The following ATAD2B variants were observed in gnomAD, a reference collection of about 807,000 sequenced individuals.
The protein encoded by ATAD2B is ATPase family AAA domain-containing protein 2B.
A neutral mutation model predicts 167.6 loss-of-function variants in ATAD2B; 40 were observed. The ratio of observed to expected loss-of-function variants is 0.24; its 90% CI spans 0.19 to 0.31. The LOEUF (loss-of-function observed/expected upper bound fraction) is 0.31. Among genes scored for constraint, ATAD2B ranks in the 10% least tolerant of loss-of-function variants. The pLI, the probability that ATAD2B is intolerant of heterozygous loss-of-function variation, is 1.00. For synonymous variants in ATAD2B, 579 were observed against 596.5 expected, an observed-to-expected ratio of 0.97 and a Z score of 0.43; for missense variants, 1,242 against 1,757.2, an observed-to-expected ratio of 0.71 and a Z score of 5.24.
intron 9 of ATAD2B, among the ~76,000 whole-genome samples, chr2:23,868,765 ATAC>A (rs1156596244): frequency 2.0e-5 from 3 of 152,214 alleles, no homozygotes; most frequent in East Asian, 1.9e-4. Context: ...ATTATTTAAT[ATAC>A]TACATTATTT....
intron 7 of ATAD2B, among the ~76,000 whole-genome samples, chr2:23,878,667 T>C (rs1350908899): frequency 6.6e-6 from 1 of 151,328 alleles, no homozygotes; most frequent in East Asian, 1.9e-4. Context: ...TCAAAATAAA[T>C]AAAATAAAAT....
intron 1 of ATAD2B, among the ~76,000 whole-genome samples, chr2:23,898,728 C>T (rs1573332771): frequency 6.6e-6 from 1 of 152,294 alleles, no homozygotes; most frequent in Non-Finnish European, 1.5e-5. Flanking sequence ...TGTGACCAGG[C>T]ACAGTGGCTC....
rs568385226 is a variant in ATAD2B, at chr2:23,905,988, T to C, written c.217-10018A>G. 3.3e-5 allele frequency among the ~76,000 whole-genome samples: 5 copies of C among 151,958 alleles called. No homozygotes were observed. The South Asian group carries it at 1.0e-3, about 32-fold the overall frequency. ...CAGTGTAAAGCAATTTGAGAAAACC[T>C]ATGAAAATTTAAAATACACATTATC... On this transcript the variant is annotated intron_variant, in intron 1 of 27. Transcript: ENST00000238789.
chr2:23,883,098 T>C (rs985307420), intron 6 of ATAD2B, among the ~76,000 whole-genome samples: 1 of 151,592 alleles, frequency 6.6e-6, no homozygotes, highest in African/African-American at 2.4e-5. Context: ...ACAAACATAT[T>C]GAGACCCCAT....
At position 23,758,007 on chromosome 2, in the gene ATAD2B, GTCT is replaced by G. The variant is rs1395461734; in HGVS notation, c.3486_3488del (p.Glu1162del). The G allele has an allele frequency of 6.8e-6, 11 of 1,611,186 alleles. No homozygotes were observed. Among genetic ancestry groups the G allele is most frequent in the Admixed American group, 1.7e-5 (1 of 59,760 alleles). On this transcript the variant is annotated inframe_deletion, in exon 25 of 28. Coordinates refer to ENST00000238789, the MANE Select transcript of ATAD2B (RefSeq NM_017552.4). ...GGTTCTCATAGTCTGCAAATTTGGT[GTCT>G]TCTTCATCTTTTTTTAAATTATTAA... is the stretch of plus-strand genomic sequence containing the variant.
At chr2:23,856,873 C>A (rs1439336263) in intron 13 of ATAD2B, among the ~76,000 whole-genome samples, 2 of 150,902 alleles carry the variant, frequency 1.3e-5, no homozygotes, top group African/African-American at 4.9e-5. Context: ...AAAAAAAAAC[C>A]AAAAAATTAT....
intron 13 of ATAD2B, among the ~76,000 whole-genome samples, chr2:23,834,646 G>A (rs1447824699): frequency 6.7e-6 from 1 of 149,454 alleles, no homozygotes; most frequent in Non-Finnish European, 1.5e-5. Context: ...GATACTATCA[G>A]GAAAGTAAAA....
the ATAD2B span, chr2:23,695,571 A>G: frequency 7.9e-7 from 1 of 1,262,632 alleles, no homozygotes; most frequent in Non-Finnish European, 1.1e-6. The surrounding 1 kb of genome is among the most constrained non-coding windows in gnomAD (Gnocchi z 7.6). Context: ...TCCGTCCGGG[A>G]GGTGGCTCTC....
intron 13 of ATAD2B, among the ~76,000 whole-genome samples, chr2:23,849,295 AATT>A (rs1349098635): frequency 6.6e-6 from 1 of 152,230 alleles, no homozygotes; most frequent in Admixed American, 6.5e-5. Flanking sequence ...AGAATAGGTG[AATT>A]ATTATCTGAT....
chr2:23,680,032 C>A, the ATAD2B span, among the ~76,000 whole-genome samples: 2 of 152,128 alleles, frequency 1.3e-5, no homozygotes, highest in Non-Finnish European at 2.9e-5. This position sits in a 1 kb window ranked among gnomAD's most constrained non-coding sequence, Gnocchi z 4.1. Flanking sequence ...TGTGCTGCCC[C>A]TTCAGCCCCG....
chr2:23,904,854 A>T (rs1186897697), intron 1 of ATAD2B, among the ~76,000 whole-genome samples: 1 of 152,190 alleles, frequency 6.6e-6, no homozygotes, highest in African/African-American at 2.4e-5. Flanking sequence ...TATAAAAGGA[A>T]TGCACAGAGG....
At chr2:23,893,293 A>T (rs1329040946) in intron 2 of ATAD2B, among the ~76,000 whole-genome samples, 1 of 152,164 alleles carries the variant, frequency 6.6e-6, no homozygotes, top group Admixed American at 6.5e-5. Flanking sequence ...GCTAATACTA[A>T]TTCTTATCTG....
At chr2:23,893,039 AG>A (rs1421885001) in intron 2 of ATAD2B, among the ~76,000 whole-genome samples, 1 of 152,198 alleles carries the variant, frequency 6.6e-6, no homozygotes, top group Non-Finnish European at 1.5e-5. Context: ...TTTTACTAAA[AG>A]TATCAATCAT....
intron 3 of ATAD2B, 66 bp from the exon 4 acceptor site, chr2:23,888,051 A>AT: frequency 1.5e-6 from 2 of 1,326,448 alleles, no homozygotes; most frequent in Non-Finnish European, 2.0e-6. Flanking sequence ...GAAAAAAAAA[A>AT]TCAAAAAATT....
chr2:23,813,268 A>T (rs1394508431), intron 17 of ATAD2B, among the ~76,000 whole-genome samples: 1 of 149,526 alleles, frequency 6.7e-6, no homozygotes, highest in Admixed American at 6.7e-5. Context: ...ATGTTTATAA[A>T]AATTATATGA....
chr2:23,695,398 C>T, the ATAD2B span, among the ~76,000 whole-genome samples: 3 of 152,132 alleles, frequency 2.0e-5, no homozygotes, highest in Admixed American at 6.5e-5. The surrounding 1 kb of genome is among the most constrained non-coding windows in gnomAD (Gnocchi z 7.6). Flanking sequence ...TGGCTGCAGC[C>T]TGCCAGCCTC....
At chr2:23,684,006 C>T in the ATAD2B span, among the ~76,000 whole-genome samples, 2 of 152,174 alleles carry the variant, frequency 1.3e-5, no homozygotes, top group African/African-American at 4.8e-5. This position sits in a 1 kb window ranked among gnomAD's most constrained non-coding sequence, Gnocchi z 4.4. Flanking sequence ...TCCAATACAT[C>T]GGCACCCATT....
At chr2:23,830,791 C>T (rs947942015) in intron 14 of ATAD2B, among the ~76,000 whole-genome samples, 8 of 151,914 alleles carry the variant, frequency 5.3e-5, no homozygotes, top group African/African-American at 1.7e-4. Context: ...TCTATACAAA[C>T]TTCATTAGCA....
At chr2:23,803,171 G>A (rs1488623050) in intron 18 of ATAD2B, among the ~76,000 whole-genome samples, 1 of 151,914 alleles carries the variant, frequency 6.6e-6, no homozygotes, top group African/African-American at 2.4e-5. Flanking sequence ...TTTTACTACC[G>A]ATATTAACAT....
Sources: allele counts gnomAD v4.1 joint callset (sites outside exome capture counted in the v4.1 genomes callset), GRCh38; gene constraint gnomAD v4.1.1; non-coding constraint Gnocchi (gnomAD v3.1); transcripts MANE v1.5; gene names NCBI Gene and HGNC (gene_info 2026-07-23, HGNC 2026-07-21).